TSHZ3: variants seen among roughly 807,000 people sequenced by gnomAD.
TSHZ3 encodes the protein teashirt zinc finger homeobox 3, also known as teashirt homolog 3.
In TSHZ3, 10 loss-of-function variants were observed where a neutral mutation model predicts 64.5. The observed-to-expected ratio is 0.16, with a 90% CI of 0.10 to 0.26. The LOEUF (loss-of-function observed/expected upper bound fraction) is 0.26. Among genes scored for constraint, TSHZ3 ranks in the 10% least tolerant of loss-of-function variants. The probability of loss-of-function intolerance (pLI) is 1.00; values close to 1 mark genes in which losing one functional copy is unlikely to be tolerated. For missense variants in TSHZ3, 1,242 were observed against 1,421.7 expected, an observed-to-expected ratio of 0.87 and a Z score of 2.03; for synonymous variants, 608 against 593.1, an observed-to-expected ratio of 1.03 and a Z score of -0.36.
intron 1 of TSHZ3, among the ~76,000 whole-genome samples, chr19:31,311,239 C>T (rs1458325686): frequency 6.6e-6 from 1 of 152,218 alleles, no homozygotes; most frequent in East Asian, 1.9e-4. Flanking sequence ...GGTCTGAAGG[C>T]TGAAGGGGGT....
At chr19:31,167,706 C>A (rs991043063) in intron 5 of TSHZ3, 3 of 152,202 alleles carry the variant, frequency 2.0e-5, no homozygotes, top group African/African-American at 7.2e-5. Context: ...TAAAGAAATA[C>A]TTCATTGTCA....
intron 5 of TSHZ3, among the ~76,000 whole-genome samples, chr19:31,178,841 T>C (rs771408728): frequency 6.6e-6 from 1 of 152,170 alleles, no homozygotes; most frequent in African/African-American, 2.4e-5. Context: ...CTGTAGAAGA[T>C]AATGCCTGAG....
At chr19:31,258,055 G>A (rs1975935602) in intron 1 of TSHZ3, among the ~76,000 whole-genome samples, 1 of 152,144 alleles carries the variant, frequency 6.6e-6, no homozygotes. Flanking sequence ...TAAACTGGGT[G>A]ACTGCAGCTT....
At chr19:31,252,788 G>A (rs1975859282) in intron 1 of TSHZ3, among the ~76,000 whole-genome samples, 1 of 152,270 alleles carries the variant, frequency 6.6e-6, no homozygotes, top group Admixed American at 6.5e-5. Flanking sequence ...GTATGAGAAT[G>A]GACTAATACA....
intron 1 of TSHZ3, among the ~76,000 whole-genome samples, chr19:31,344,713 T>C (rs1007148622): frequency 3.3e-5 from 5 of 152,178 alleles, no homozygotes; most frequent in Non-Finnish European, 5.9e-5. Context: ...CCTTTCTCTT[T>C]CCAGAAATCC....
chr19:31,277,061 G>A lies in TSHZ3; in HGVS notation c.2732C>T (p.Ala911Val). 3 of 1,608,618 alleles carry A rather than the reference G, an allele frequency of 1.9e-6. No homozygotes were observed. The highest frequency in any genetic ancestry group is 2.5e-6 in the Non-Finnish European group (3 of 1,176,534). ...QHLLILQAQF[A>V]ASLRQTSEGK... ...TTCTGAGGTCTGCCGGAGGCTGGCG[G>A]CAAACTGGGCCTGGAGGATCAGGAG... is the stretch of plus-strand genomic sequence containing the variant. The change falls in exon 2 of 2, where the codon GCC (alanine) becomes GTC (valine). Residue 911 changes from alanine to valine, a missense_variant. This residue lies in a region of TSHZ3 where 550 missense variants were observed against 545.1 expected (regional missense o/e 1.01). Coordinates refer to ENST00000240587, the MANE Select transcript of TSHZ3 (RefSeq NM_020856.4). The surrounding 1 kb of genome is among the most constrained non-coding windows in gnomAD (Gnocchi z 4.5).
intron 5 of TSHZ3, among the ~76,000 whole-genome samples, chr19:31,189,634 GAT>G (rs1209844700): frequency 3.3e-5 from 5 of 151,702 alleles, no homozygotes; most frequent in Admixed American, 3.3e-4. Flanking sequence ...AATATATAGA[GAT>G]GTGTATTTTA....
At chr19:31,228,250 G>T (rs550835711) in intron 3 of TSHZ3, among the ~76,000 whole-genome samples, 3 of 152,248 alleles carry the variant, frequency 2.0e-5, no homozygotes, top group African/African-American at 7.2e-5. Context: ...TTCAGGCTGG[G>T]TGTGGTGGCT....
In TSHZ3 at chr19:31,240,146, T is replaced by C. The variant is rs569709017; in HGVS notation, n.550+2123A>G. Among the ~76,000 whole-genome samples the C allele has an allele frequency of 1.9e-3, 292 of 152,268 alleles. 2 individuals carry two copies. The highest frequency in any genetic ancestry group is 6.6e-3 in the African/African-American group (276 of 41,560). ...CTAAATGCTGGTGTGCTCCTTACAATTGTTTTCTGAGACTCAAATTTCAGG... is the reference window on the plus strand; with the variant it reads ...CTAAATGCTGGTGTGCTCCTTACAACTGTTTTCTGAGACTCAAATTTCAGG... On this transcript the variant is annotated intron_variant and non_coding_transcript_variant, in intron 3 of 6. Coordinates refer to the TSHZ3 transcript ENST00000651361.
intron 5 of TSHZ3, among the ~76,000 whole-genome samples, chr19:31,178,769 G>A (rs1332777926): frequency 6.6e-6 from 1 of 152,230 alleles, no homozygotes; most frequent in Non-Finnish European, 1.5e-5. Flanking sequence ...GCTCCAGGGT[G>A]AGACATGTCA....
At chr19:31,209,023 G>A (rs1975224331) in intron 4 of TSHZ3, among the ~76,000 whole-genome samples, 1 of 152,110 alleles carries the variant, frequency 6.6e-6, no homozygotes, top group Non-Finnish European at 1.5e-5. Context: ...ATGAGCAGAA[G>A]GCCATGATTG....
At chr19:31,157,504 A>G (rs1035196131) in intron 5 of TSHZ3, among the ~76,000 whole-genome samples, 3 of 152,244 alleles carry the variant, frequency 2.0e-5, no homozygotes, top group African/African-American at 2.4e-5. Flanking sequence ...AGTAGTTACA[A>G]TCTAGCCCAT....
At chr19:31,181,159 G>A (rs1974707726) in intron 5 of TSHZ3, among the ~76,000 whole-genome samples, 1 of 151,978 alleles carries the variant, frequency 6.6e-6, no homozygotes, top group African/African-American at 2.4e-5. Flanking sequence ...AGTTTTTGAA[G>A]AATCAAGCAG....
At chr19:31,212,400 G>T (rs991444561) in intron 4 of TSHZ3, among the ~76,000 whole-genome samples, 1 of 152,180 alleles carries the variant, frequency 6.6e-6, no homozygotes, top group African/African-American at 2.4e-5. Flanking sequence ...GGAGGTTGCA[G>T]TGAGCCAAGA....
chr19:31,338,006 G>C (rs1387978731), intron 1 of TSHZ3, among the ~76,000 whole-genome samples: 11 of 152,166 alleles, frequency 7.2e-5, no homozygotes, highest in Admixed American at 7.2e-4. Context: ...GATTTCATTA[G>C]CAACCCCAAA....
chr19:31,269,431 A>C (rs1380424569), intron 1 of TSHZ3, among the ~76,000 whole-genome samples: 4 of 151,748 alleles, frequency 2.6e-5, no homozygotes, highest in Non-Finnish European at 5.9e-5. Context: ...CCCGACAGAC[A>C]CACCTATCTC....
At chr19:31,347,430 AC>A (rs1391105869) in intron 1 of TSHZ3, among the ~76,000 whole-genome samples, 1 of 152,006 alleles carries the variant, frequency 6.6e-6, no homozygotes, top group Non-Finnish European at 1.5e-5. Flanking sequence ...GCACACACAT[AC>A]CTTAAAATGT....
At chr19:31,322,864 C>T (rs1916814204) in intron 1 of TSHZ3, among the ~76,000 whole-genome samples, 1 of 152,228 alleles carries the variant, frequency 6.6e-6, no homozygotes, top group Non-Finnish European at 1.5e-5. Context: ...TTACCTTCTT[C>T]CCAGCCACAA....
intron 1 of TSHZ3, among the ~76,000 whole-genome samples, chr19:31,340,428 G>GA (rs1033482621): frequency 1.6e-3 from 213 of 130,252 alleles, no homozygotes; most frequent in Middle Eastern, 4.3e-3. Context: ...CCTCCCGCCT[G>GA]AAAAAAAATA....
Sources: gnomAD v4.1 joint callset for allele counts (sites outside exome capture counted in the v4.1 genomes callset) on GRCh38, gnomAD v4.1.1 for gene constraint, gnomAD v4.1.1 regional missense constraint, Gnocchi (gnomAD v3.1) non-coding constraint, MANE v1.5 for transcripts, NCBI Gene and HGNC (gene_info 2026-07-23, HGNC 2026-07-21) for gene names.